MPP4: variants seen among roughly 807,000 people sequenced by gnomAD.
MPP4 encodes MAGUK p55 subfamily member 4.
MPP4 carries 91 observed loss-of-function variants against 98.3 expected under a neutral mutation model. The ratio of observed to expected loss-of-function variants is 0.93; its 90% CI spans 0.78 to 1.10. MPP4 has a LOEUF of 1.10. MPP4 is among the 50% of genes least tolerant of loss of function. MPP4 has a pLI of 0.00. For missense variants in MPP4, 744 were observed against 792.9 expected, an observed-to-expected ratio of 0.94 and a Z score of 0.74; for synonymous variants, 261 against 271.8, an observed-to-expected ratio of 0.96 and a Z score of 0.39.
intron 10 of MPP4, among the ~76,000 whole-genome samples, chr2:201,678,241 T>C (rs957100430): frequency 3.3e-5 from 5 of 152,136 alleles, no homozygotes; most frequent in African/African-American, 1.2e-4. Context: ...CACCACTTTC[T>C]GACCTGAAAC....
chr2:201,696,368 G>T (rs1574643417), intron 1 of MPP4, among the ~76,000 whole-genome samples: 2 of 152,328 alleles, frequency 1.3e-5, no homozygotes, highest in East Asian at 3.9e-4. Flanking sequence ...AGCACTTCCA[G>T]GGTAGAAAAT....
At chr2:201,651,043 A>G (rs1687699695) in intron 18 of MPP4, 1 of 985,318 alleles carries the variant, frequency 1.0e-6, no homozygotes, top group Non-Finnish European at 1.2e-6. Flanking sequence ...AAGATGAGTA[A>G]GACAGTTTCA....
intron 11 of MPP4, among the ~76,000 whole-genome samples, chr2:201,671,311 C>A (rs1011336099): frequency 1.3e-5 from 2 of 152,154 alleles, no homozygotes; most frequent in Non-Finnish European, 2.9e-5. Context: ...AAGCTAAGAT[C>A]CACTGGCTTG....
chr2:201,651,663 G>C, intron 18 of MPP4: 1 of 985,312 alleles, frequency 1.0e-6, no homozygotes, highest in Non-Finnish European at 1.2e-6. Flanking sequence ...ATCGAAAAAT[G>C]GTGATTTTGG....
chr2:201,690,491 G>A (rs1688981638), intron 3 of MPP4, among the ~76,000 whole-genome samples: 1 of 152,094 alleles, frequency 6.6e-6, no homozygotes, highest in African/African-American at 2.4e-5. Context: ...CTTAATTATT[G>A]GCTGCCATTG....
In MPP4 at chr2:201,670,886, T is replaced by C. The variant is rs186801142; in HGVS notation, c.995-1136A>G. 2.7e-3 allele frequency among the ~76,000 whole-genome samples: 410 copies of C among 152,280 alleles called. 2 individuals carry two copies. The highest frequency in any genetic ancestry group is 6.8e-3 in the Middle Eastern group (2 of 294). ...GCTCATCTCACTGGGACTGGCTAGATAGTGGGTGCAGCCCACAAAGGGTAA... is the reference window on the plus strand; with the variant it reads ...GCTCATCTCACTGGGACTGGCTAGACAGTGGGTGCAGCCCACAAAGGGTAA... On this transcript the variant is annotated intron_variant, in intron 11 of 21. Coordinates refer to ENST00000409474, the MANE Select transcript of MPP4 (RefSeq NM_033066.3).
chr2:201,677,349 T>C (rs1025389024), intron 10 of MPP4, among the ~76,000 whole-genome samples: 7 of 152,240 alleles, frequency 4.6e-5, no homozygotes, highest in African/African-American at 1.7e-4. Context: ...TTTGCTACTC[T>C]GGCACAAACC....
intron 7 of MPP4, among the ~76,000 whole-genome samples, chr2:201,684,644 C>T (rs1352049669): frequency 6.6e-6 from 1 of 152,110 alleles, no homozygotes; most frequent in African/African-American, 2.4e-5. Context: ...AAGCCCTGAC[C>T]CAAGTTAAGA....
chr2:201,648,869 G>T (rs1687640804), intron 20 of MPP4, among the ~76,000 whole-genome samples: 1 of 152,268 alleles, frequency 6.6e-6, no homozygotes. Flanking sequence ...TGCCAGACCA[G>T]CCTGGCAAAC....
intron 10 of MPP4, among the ~76,000 whole-genome samples, chr2:201,677,549 CA>C (rs1688539480): frequency 6.6e-6 from 1 of 152,206 alleles, no homozygotes; most frequent in South Asian, 2.1e-4. Context: ...AAAACCCCCC[CA>C]GCTACTTGCA....
At chr2:201,694,667 G>T (rs1689132194) in intron 1 of MPP4, among the ~76,000 whole-genome samples, 2 of 116,452 alleles carry the variant, frequency 1.7e-5, no homozygotes, top group Non-Finnish European at 3.2e-5. Context: ...TTAGGCTGAA[G>T]TGTGGTGGCA....
chr2:201,686,699 C>A (rs930536587), intron 5 of MPP4, among the ~76,000 whole-genome samples: 1 of 152,078 alleles, frequency 6.6e-6, no homozygotes, highest in Non-Finnish European at 1.5e-5. Context: ...TAGTGCGTGC[C>A]GTTGAGGATA....
chr2:201,687,303 A>G lies in MPP4; in HGVS notation c.348T>C (p.Ala116=). The change falls in exon 5 of 22, where the codon GCT becomes GCC. Residue 116 remains alanine, a synonymous_variant. Transcript: ENST00000409474. ...EIQELRQMLQ[A]PHFKALLSAH... ...AGCAGGCACTTGCCTTGAAGTGTGGAGCCTGGAGCATTTGTCTCAGCTCTT... is the reference window on the plus strand; with the variant it reads ...AGCAGGCACTTGCCTTGAAGTGTGGGGCCTGGAGCATTTGTCTCAGCTCTT... The G allele has an allele frequency of 6.3e-7, 1 of 1,576,924 alleles. No homozygotes were observed. Among genetic ancestry groups the G allele is most frequent in the Non-Finnish European group, 8.6e-7 (1 of 1,159,402 alleles).
At chr2:201,675,087 T>A (rs907025167) in intron 11 of MPP4, 120 bp downstream of exon 11, 13 of 1,128,080 alleles carry the variant, frequency 1.2e-5, no homozygotes, top group Admixed American at 2.0e-5. Flanking sequence ...TTGATTTAAA[T>A]AACAACTCCA....
chr2:201,673,175 T>C (rs1033727158), intron 11 of MPP4, among the ~76,000 whole-genome samples: 10 of 152,264 alleles, frequency 6.6e-5, no homozygotes, highest in Non-Finnish European at 1.5e-4. Context: ...CACCCCCTCA[T>C]GCTAAAAACT....
chr2:201,668,152 A>T (rs1363260027), intron 12 of MPP4, among the ~76,000 whole-genome samples: 1 of 152,166 alleles, frequency 6.6e-6, no homozygotes, highest in Non-Finnish European at 1.5e-5. Context: ...TTATCTAGTA[A>T]CAGCATGAGA....
chr2:201,665,623 T>C (rs2105924566), intron 13 of MPP4: 1 of 152,342 alleles, frequency 6.6e-6, no homozygotes, highest in South Asian at 2.1e-4. Flanking sequence ...ATAAACATAA[T>C]GTCAGCAGTA....
intron 16 of MPP4, among the ~76,000 whole-genome samples, chr2:201,658,060 C>T (rs1007301850): frequency 2.6e-5 from 4 of 151,822 alleles, no homozygotes; most frequent in Non-Finnish European, 5.9e-5. Context: ...TAGTTTTCCC[C>T]TGCCTCCCTA....
chr2:201,664,242 G>A (rs904502479), intron 13 of MPP4, 141 bp from the exon 14 acceptor site: 97 of 1,488,918 alleles, frequency 6.5e-5, no homozygotes, highest in Middle Eastern at 1.8e-4. Flanking sequence ...AATCAAGGTC[G>A]AATCGATGGT....
Sources: allele counts gnomAD v4.1 joint callset (sites outside exome capture counted in the v4.1 genomes callset), GRCh38; gene constraint gnomAD v4.1.1; transcripts MANE v1.5; gene names NCBI Gene and HGNC (gene_info 2026-07-23, HGNC 2026-07-21).